RAPGEF2: variants seen among roughly 807,000 people sequenced by gnomAD.
RAPGEF2 encodes Rap guanine nucleotide exchange factor 2.
In RAPGEF2, 54 loss-of-function variants were observed where a neutral mutation model predicts 186.7. The ratio of observed to expected loss-of-function variants is 0.29; its 90% CI spans 0.23 to 0.36. The LOEUF (loss-of-function observed/expected upper bound fraction) is 0.36, where lower values mean the gene tolerates loss of function less well. Ranked by LOEUF, RAPGEF2 falls within the 10% of genes least tolerant of loss-of-function variation. RAPGEF2 has a pLI of 1.00. For missense variants in RAPGEF2, 1,532 were observed against 2,045.0 expected (o/e 0.75, Z 4.84); for synonymous variants, 712 against 705.9 (o/e 1.01, Z -0.14).
rs1371218081 is a variant in RAPGEF2, at chr4:159,151,854, G to A, written c.70-34788G>A. Reference sequence around the variant, plus strand: ...AATAAACAGTTGGGCGACATTGATGGAATGAGAAAAGGGCATTGGTAGGAG... The same window carrying A: ...AATAAACAGTTGGGCGACATTGATGAAATGAGAAAAGGGCATTGGTAGGAG... On this transcript the variant is annotated intron_variant, in intron 1 of 29. Coordinates refer to ENST00000691494, the MANE Select transcript of RAPGEF2 (RefSeq NM_001394067.2). Among the ~76,000 whole-genome samples the A allele has an allele frequency of 4.6e-5, 7 of 152,250 alleles. No homozygotes were observed. The East Asian group carries it at 1.3e-3, about 29-fold the overall frequency.
At chr4:159,145,955 C>T (rs151071883) in intron 1 of RAPGEF2, among the ~76,000 whole-genome samples, 196 of 152,164 alleles carry the variant, frequency 1.3e-3, no homozygotes, top group African/African-American at 4.5e-3. Flanking sequence ...GGAAAGGAAG[C>T]GTTGATAGGT....
At chr4:159,186,465 T>C (rs955963216) in intron 1 of RAPGEF2, among the ~76,000 whole-genome samples, 177 bp from the exon 2 acceptor site, 1 of 152,090 alleles carries the variant, frequency 6.6e-6, no homozygotes, top group South Asian at 2.1e-4. Flanking sequence ...GCAGTTGTAA[T>C]GGATGACATT....
chr4:159,342,517 C>G (rs1053672484), intron 20 of RAPGEF2, among the ~76,000 whole-genome samples: 2 of 135,308 alleles, frequency 1.5e-5, no homozygotes, highest in African/African-American at 5.4e-5. Context: ...ACTCTCATTA[C>G]TATCATAGCT....
intron 1 of RAPGEF2, among the ~76,000 whole-genome samples, chr4:159,173,170 CAG>C (rs996609291): frequency 2.6e-5 from 4 of 152,116 alleles, no homozygotes; most frequent in Admixed American, 6.6e-5. Flanking sequence ...ATGGGAAAAA[CAG>C]ATGTCAAATT....
At chr4:159,119,809 A>G (rs950105479) in intron 1 of RAPGEF2, among the ~76,000 whole-genome samples, 2 of 152,308 alleles carry the variant, frequency 1.3e-5, no homozygotes, top group South Asian at 4.1e-4. Flanking sequence ...TAAACATCCC[A>G]TCTATTGATT....
At chr4:159,114,637 A>G (rs1028063406) in intron 1 of RAPGEF2, among the ~76,000 whole-genome samples, 6 of 152,216 alleles carry the variant, frequency 3.9e-5, no homozygotes, top group Non-Finnish European at 8.8e-5. Flanking sequence ...GTGATTCTGA[A>G]TTTAAGTAGA....
At chr4:159,129,365 A>G (rs1040332714) in intron 1 of RAPGEF2, among the ~76,000 whole-genome samples, 1 of 152,168 alleles carries the variant, frequency 6.6e-6, no homozygotes, top group Non-Finnish European at 1.5e-5. Context: ...ATAATACATA[A>G]TGCTTACAGT....
At position 159,173,036 on chromosome 4, in the gene RAPGEF2, A is replaced by G. The variant is rs546478043; in HGVS notation, c.70-13606A>G. Among the ~76,000 whole-genome samples, 131 of 152,320 alleles carry G rather than the reference A, an allele frequency of 8.6e-4. 1 individual carries two copies. Among genetic ancestry groups the G allele is most frequent in the African/African-American group, 3.1e-3 (129 of 41,570 alleles). Reference sequence around the variant, plus strand: ...AGCATTTTAGCTCATTTTCTGACCAATAGTGGAAGGCTTTAATTACATATG... The same window carrying G: ...AGCATTTTAGCTCATTTTCTGACCAGTAGTGGAAGGCTTTAATTACATATG... On this transcript the variant is annotated intron_variant, in intron 1 of 29. Transcript: ENST00000691494.
At chr4:159,284,619 T>C (rs1760206239) in intron 7 of RAPGEF2, among the ~76,000 whole-genome samples, 1 of 152,264 alleles carries the variant, frequency 6.6e-6, no homozygotes, top group African/African-American at 2.4e-5. Context: ...ACTTTATCCC[T>C]TTTTTCCTGA....
chr4:159,337,889 C>CAAAA (rs553291521), intron 17 of RAPGEF2, among the ~76,000 whole-genome samples: 160 of 31,516 alleles, frequency 5.1e-3, no homozygotes, highest in Non-Finnish European at 9.1e-3. Context: ...GACTCCATCT[C>CAAAA]AAAAAAAAAA....
intron 7 of RAPGEF2, among the ~76,000 whole-genome samples, chr4:159,294,230 T>A (rs6821177): frequency 0.093 from 14,088 of 152,278 alleles, 2,162 homozygotes; most frequent in African/African-American, 0.32. Context: ...GAATCCTCCA[T>A]GGATCCCATA....
At chr4:159,304,191 T>TA (rs773488125) in intron 7 of RAPGEF2, 151 bp from the exon 8 acceptor site, 206 of 681,394 alleles carry the variant, frequency 3.0e-4, no homozygotes, top group Middle Eastern at 7.5e-4. Context: ...TTTGGGTAAA[T>TA]AAGACAATAT....
chr4:159,215,426 C>T (rs1188027466), intron 4 of RAPGEF2, among the ~76,000 whole-genome samples: 2 of 152,202 alleles, frequency 1.3e-5, no homozygotes, highest in Non-Finnish European at 2.9e-5. Flanking sequence ...GATCCTCCCA[C>T]CTTGACCTCC....
chr4:159,282,645 G>C (rs1338347714), intron 7 of RAPGEF2: 2 of 450,712 alleles, frequency 4.4e-6, no homozygotes, highest in Non-Finnish European at 8.9e-6. Context: ...ATCATGGTAT[G>C]TATTCTATTT....
chr4:159,355,985 G>A lies in RAPGEF2; in HGVS notation c.4784G>A (p.Arg1595Lys), dbSNP rs933841136. 9 of 1,610,014 alleles carry A rather than the reference G, an allele frequency of 5.6e-6. No homozygotes were observed. The highest frequency in any genetic ancestry group is 7.6e-6 in the Non-Finnish European group (9 of 1,178,062). Residue 1595 changes from arginine to lysine, a missense_variant, in exon 29 of 30, where the codon AGA (arginine) becomes AAA (lysine). Transcript: ENST00000691494. ...KPPDYNVALQ[R>K]SRMVARSSDT... ...CCGGACTACAACGTGGCCCTTCAGA[G>A]ATCGCGGATGGTCGCACGATCCTCC...
In RAPGEF2 at chr4:159,306,693, C is replaced by A. The variant is rs548370676; in HGVS notation, c.675+2220C>A. Among the ~76,000 whole-genome samples the A allele has an allele frequency of 2.0e-5, 3 of 152,198 alleles. No homozygotes were observed. The South Asian group carries it at 6.2e-4, about 32-fold the overall frequency. On this transcript the variant is annotated intron_variant, in intron 8 of 29. Transcript: ENST00000691494. Reference sequence around the variant, plus strand: ...TTTTGAATAGGAGTGGGAAAGTGGGCATCCTTGTTACAGTTCTTATGGGGA... The same window carrying A: ...TTTTGAATAGGAGTGGGAAAGTGGGAATCCTTGTTACAGTTCTTATGGGGA...
chr4:159,179,241 T>C (rs1325592788), intron 1 of RAPGEF2, among the ~76,000 whole-genome samples: 1 of 152,156 alleles, frequency 6.6e-6, no homozygotes, highest in Non-Finnish European at 1.5e-5. Context: ...GTAGTAGTCA[T>C]GTGAATTTCA....
chr4:159,170,841 T>TA (rs1252467489), intron 1 of RAPGEF2, among the ~76,000 whole-genome samples: 1 of 138,962 alleles, frequency 7.2e-6, no homozygotes, highest in African/African-American at 2.5e-5. Flanking sequence ...TTCCAGGTCT[T>TA]ACGTTTAAGT....
intron 1 of RAPGEF2, among the ~76,000 whole-genome samples, chr4:159,131,521 T>TG (rs1553997068): frequency 0.016 from 1,339 of 84,088 alleles, 173 homozygotes; most frequent in African/African-American, 0.063. Context: ...TAATTGCTAT[T>TG]TTTTTTTTTT....
Sources: gnomAD v4.1 joint callset for allele counts (sites outside exome capture counted in the v4.1 genomes callset) on GRCh38, gnomAD v4.1.1 for gene constraint, MANE v1.5 for transcripts, NCBI Gene and HGNC (gene_info 2026-07-23, HGNC 2026-07-21) for gene names.